NALF1: variants seen among roughly 807,000 people sequenced by gnomAD.
The protein encoded by NALF1 is NALCN channel auxiliary factor 1.
NALF1 carries 3 observed loss-of-function variants against 48.4 expected under a neutral mutation model. That is an observed-to-expected ratio of 0.06 (90% CI 0.03 to 0.16). NALF1 has a LOEUF of 0.16. Among genes scored for constraint, NALF1 ranks in the 10% least tolerant of loss-of-function variants. The probability of loss-of-function intolerance (pLI) is 1.00; values close to 1 mark genes in which losing one functional copy is unlikely to be tolerated. For synonymous variants in NALF1, 262 were observed against 245.7 expected (o/e 1.07, Z -0.62); for missense variants, 526 against 571.5 (o/e 0.92, Z 0.81).
chr13:107,687,664 G>T (rs1403518816), intron 1 of NALF1, among the ~76,000 whole-genome samples: 1 of 152,102 alleles, frequency 6.6e-6, no homozygotes, highest in Non-Finnish European at 1.5e-5. Flanking sequence ...GAGTTGCCTA[G>T]AGCAACACTG....
intron 1 of NALF1, among the ~76,000 whole-genome samples, chr13:107,217,785 C>T (rs1203378232): frequency 1.3e-5 from 2 of 152,138 alleles, no homozygotes; most frequent in Admixed American, 6.6e-5. Context: ...CAGTGCTGCT[C>T]GCGCCATCAG....
chr13:107,194,291 A>G (rs1464291658), intron 2 of NALF1, among the ~76,000 whole-genome samples: 1 of 152,182 alleles, frequency 6.6e-6, no homozygotes, highest in Non-Finnish European at 1.5e-5. Flanking sequence ...AAAGTATTCA[A>G]AATTGGAGAC....
At chr13:107,534,049 G>A (rs536304235) in intron 1 of NALF1, among the ~76,000 whole-genome samples, 8 of 152,206 alleles carry the variant, frequency 5.3e-5, no homozygotes, top group African/African-American at 9.6e-5. Context: ...GAAATGGAAC[G>A]TGAGAGGGAA....
At chr13:107,452,311 G>C (rs1301630289) in intron 1 of NALF1, among the ~76,000 whole-genome samples, 1 of 152,138 alleles carries the variant, frequency 6.6e-6, no homozygotes, top group Non-Finnish European at 1.5e-5. Flanking sequence ...AATTTATAAA[G>C]GAAAGAGGTT....
intron 1 of NALF1, among the ~76,000 whole-genome samples, chr13:107,722,472 G>A (rs1309758471): frequency 6.6e-6 from 1 of 152,072 alleles, no homozygotes; most frequent in Non-Finnish European, 1.5e-5. Flanking sequence ...GCACTGCTCT[G>A]GCCACCTTGT....
At chr13:107,469,731 A>ATGTTTT in intron 1 of NALF1, among the ~76,000 whole-genome samples, 1 of 99,860 alleles carries the variant, frequency 1.0e-5, no homozygotes, top group Non-Finnish European at 2.0e-5. Context: ...TCAACTGTGT[A>ATGTTTT]TCTTTTTTTT....
At chr13:107,179,157 ACT>A (rs200739379) in intron 2 of NALF1, among the ~76,000 whole-genome samples, 1,881 of 152,278 alleles carry the variant, frequency 0.012, 27 homozygotes, top group South Asian at 0.024. Flanking sequence ...TGGTACATAT[ACT>A]TCATGGAGTA....
intron 1 of NALF1, among the ~76,000 whole-genome samples, chr13:107,526,208 T>G (rs16970600): frequency 0.036 from 5,509 of 152,214 alleles, 173 homozygotes; most frequent in African/African-American, 0.085. Context: ...TCTATTTTCT[T>G]TTCATGAGCA....
chr13:107,808,856 C>T (rs1026086993), intron 1 of NALF1, among the ~76,000 whole-genome samples: 3 of 152,004 alleles, frequency 2.0e-5, no homozygotes, highest in Non-Finnish European at 4.4e-5. Flanking sequence ...ACATCCAAAT[C>T]GAAATGCCTT....
At chr13:107,548,214 C>A (rs1447041766) in intron 1 of NALF1, among the ~76,000 whole-genome samples, 2 of 152,072 alleles carry the variant, frequency 1.3e-5, no homozygotes, top group Non-Finnish European at 2.9e-5. Context: ...TAAGTGAGAA[C>A]AAGTGGTATT....
chr13:107,286,231 C>T (rs1382986287), intron 1 of NALF1, among the ~76,000 whole-genome samples: 1 of 152,154 alleles, frequency 6.6e-6, no homozygotes, highest in Non-Finnish European at 1.5e-5. Flanking sequence ...AGAATTACCA[C>T]GTGACCCTGT....
chr13:107,843,931 T>C (rs1004118163), intron 1 of NALF1, among the ~76,000 whole-genome samples: 1 of 152,204 alleles, frequency 6.6e-6, no homozygotes, highest in Non-Finnish European at 1.5e-5. Flanking sequence ...CAAATGCTAT[T>C]GCTTCCAAAA....
chr13:107,679,759 G>A (rs755002732), intron 1 of NALF1, among the ~76,000 whole-genome samples: 2 of 152,128 alleles, frequency 1.3e-5, no homozygotes, highest in Non-Finnish European at 2.9e-5. Flanking sequence ...AACCTCTAGG[G>A]GGAAAAGATG....
intron 1 of NALF1, among the ~76,000 whole-genome samples, chr13:107,289,074 T>A (rs1199949336): frequency 6.6e-6 from 1 of 152,206 alleles, no homozygotes; most frequent in Non-Finnish European, 1.5e-5. Flanking sequence ...AAATCCTGTT[T>A]GTTTCAACTT....
At chr13:107,505,079 G>C (rs1381564058) in intron 1 of NALF1, among the ~76,000 whole-genome samples, 1 of 152,184 alleles carries the variant, frequency 6.6e-6, no homozygotes, top group Non-Finnish European at 1.5e-5. Flanking sequence ...AAATTCCAGG[G>C]GCAGGGATTA....
intron 1 of NALF1, among the ~76,000 whole-genome samples, chr13:107,361,306 A>G (rs9559022): frequency 0.26 from 39,932 of 152,120 alleles, 5,979 homozygotes; most frequent in African/African-American, 0.41. Flanking sequence ...TACTGCAGGA[A>G]GTCCACCGAA....
intron 2 of NALF1, among the ~76,000 whole-genome samples, chr13:107,193,208 T>C (rs949446399): frequency 6.6e-6 from 1 of 152,186 alleles, no homozygotes; most frequent in Non-Finnish European, 1.5e-5. Context: ...TAAGCATAGA[T>C]GTTTCAGTAT....
chr13:107,786,328 A>G (rs927018417), intron 1 of NALF1, among the ~76,000 whole-genome samples: 1 of 149,426 alleles, frequency 6.7e-6, no homozygotes, highest in Admixed American at 6.7e-5. Context: ...AGACAGGAGA[A>G]TCATTTGAAC....
intron 2 of NALF1, among the ~76,000 whole-genome samples, chr13:107,188,715 A>G (rs975468908): frequency 1.1e-4 from 17 of 152,304 alleles, no homozygotes; most frequent in African/African-American, 3.8e-4. Flanking sequence ...ACTCTCTCCT[A>G]TTCTCAATAC....
Sources: gnomAD v4.1 joint callset for allele counts (sites outside exome capture counted in the v4.1 genomes callset) on GRCh38, gnomAD v4.1.1 for gene constraint, MANE v1.5 for transcripts, NCBI Gene and HGNC (gene_info 2026-07-23, HGNC 2026-07-21) for gene names.